CTIF: variants seen among roughly 807,000 people sequenced by gnomAD.
The protein encoded by CTIF is cap binding complex dependent translation initiation factor.
CTIF carries 21 observed loss-of-function variants against 66.0 expected under a neutral mutation model. The ratio of observed to expected loss-of-function variants is 0.32; its 90% CI spans 0.23 to 0.46. The LOEUF is 0.46. Ranked by LOEUF, CTIF falls within the 20% of genes least tolerant of loss-of-function variation. CTIF has a pLI of 1.00. For synonymous variants in CTIF, 345 were observed against 326.4 expected, an observed-to-expected ratio of 1.06 and a Z score of -0.62; for missense variants, 739 against 812.7, an observed-to-expected ratio of 0.91 and a Z score of 1.10.
intron 9 of CTIF, among the ~76,000 whole-genome samples, chr18:48,784,107 A>G (rs1911496313): frequency 6.6e-6 from 1 of 152,236 alleles, no homozygotes; most frequent in African/African-American, 2.4e-5. Flanking sequence ...CTCTCCTGCC[A>G]TTGGGCATCT....
chr18:48,600,832 A>G (rs2090077139), intron 1 of CTIF, among the ~76,000 whole-genome samples: 1 of 152,048 alleles, frequency 6.6e-6, no homozygotes, highest in African/African-American at 2.4e-5. Flanking sequence ...TTTCCCTGCA[A>G]TATTCCCAGC....
chr18:48,715,572 A>G (rs62105204), intron 7 of CTIF, among the ~76,000 whole-genome samples: 3,883 of 152,144 alleles, frequency 0.026, 66 homozygotes, highest in Non-Finnish European at 0.041. Context: ...CAAGCTCACT[A>G]GAGGGCTGGA....
chr18:48,755,978 G>C (rs1325119307), intron 7 of CTIF: 1 of 152,172 alleles, frequency 6.6e-6, no homozygotes, highest in Non-Finnish European at 1.5e-5. Flanking sequence ...TTTTCCTCTT[G>C]GCTCAGATAT....
chr18:48,770,729 T>C (rs904268557), intron 9 of CTIF, among the ~76,000 whole-genome samples: 1 of 152,240 alleles, frequency 6.6e-6, no homozygotes, highest in Non-Finnish European at 1.5e-5. Flanking sequence ...TGCAGTAGCA[T>C]CGATTGCTGC....
intron 2 of CTIF, among the ~76,000 whole-genome samples, chr18:48,631,290 C>T (rs949160218): frequency 1.3e-5 from 2 of 152,036 alleles, no homozygotes; most frequent in East Asian, 1.9e-4. Context: ...ATGGTGAAAC[C>T]CTGTCTCTAC....
intron 10 of CTIF, among the ~76,000 whole-genome samples, chr18:48,819,400 C>T (rs547712447): frequency 6.6e-6 from 1 of 152,252 alleles, no homozygotes; most frequent in Non-Finnish European, 1.5e-5. Context: ...CAGCACTGTT[C>T]TAGGGCAGTG....
Position 48,681,932 on chromosome 18 carries a change from C to T in CTIF, c.507+11188C>T, listed in dbSNP as rs138682748. 6.3e-3 allele frequency among the ~76,000 whole-genome samples: 960 copies of T among 152,184 alleles called. 15 individuals carry two copies. Among genetic ancestry groups the T allele is most frequent in the African/African-American group, 0.022 (917 of 41,526 alleles). On this transcript the variant is annotated intron_variant, in intron 6 of 11. Coordinates refer to ENST00000256413, the MANE Select transcript of CTIF (RefSeq NM_014772.3). Reference sequence around the variant, plus strand: ...TCCCAAGTAGCTAGGATTACAGGCGCGTGCCACCACACCCGGCTAATTTTT... The same window carrying T: ...TCCCAAGTAGCTAGGATTACAGGCGTGTGCCACCACACCCGGCTAATTTTT...
intron 9 of CTIF, among the ~76,000 whole-genome samples, chr18:48,810,069 T>A (rs182890558): frequency 6.6e-6 from 1 of 152,096 alleles, no homozygotes; most frequent in African/African-American, 2.4e-5. Flanking sequence ...GATCTACATA[T>A]GTAATTTTAA....
At chr18:48,818,780 G>A (rs1249882076) in intron 10 of CTIF, among the ~76,000 whole-genome samples, 1 of 152,090 alleles carries the variant, frequency 6.6e-6, no homozygotes, top group Non-Finnish European at 1.5e-5. Flanking sequence ...ACACAAGGAG[G>A]AACAGCCTCC....
intron 10 of CTIF, 69 bp from the exon 11 acceptor site, chr18:48,857,519 C>T: frequency 3.5e-6 from 5 of 1,441,346 alleles, no homozygotes; most frequent in South Asian, 1.3e-5. Context: ...GCGGGGGCTG[C>T]AGGGAGCTAC....
chr18:48,566,926 G>A (rs1204456955), intron 1 of CTIF: 2 of 152,186 alleles, frequency 1.3e-5, no homozygotes, highest in African/African-American at 4.8e-5. Flanking sequence ...ATCTCAGCCT[G>A]TCTAACAGAC....
intron 1 of CTIF, 50 bp from the exon 2 acceptor site, chr18:48,619,488 C>T (rs180818664): frequency 4.6e-5 from 56 of 1,221,222 alleles, no homozygotes; most frequent in East Asian, 4.1e-4. Flanking sequence ...TGGGCATCGT[C>T]GTCTCCTCCA....
chr18:48,718,251 C>A (rs2092300192), intron 7 of CTIF, among the ~76,000 whole-genome samples: 1 of 152,186 alleles, frequency 6.6e-6, no homozygotes, highest in South Asian at 2.1e-4. Context: ...GAAAATTAGA[C>A]TGTGTATACC....
chr18:48,808,987 A>G (rs1372875235), intron 9 of CTIF, among the ~76,000 whole-genome samples: 10 of 152,246 alleles, frequency 6.6e-5, no homozygotes, highest in Admixed American at 6.5e-4. Flanking sequence ...GAGAATTACC[A>G]TCTTCACAAT....
intron 1 of CTIF, among the ~76,000 whole-genome samples, chr18:48,547,629 A>G (rs1376987337): frequency 6.6e-6 from 1 of 152,082 alleles, no homozygotes; most frequent in African/African-American, 2.4e-5. Flanking sequence ...CTCGCTGGCC[A>G]TTTTCACCCA....
intron 6 of CTIF, among the ~76,000 whole-genome samples, chr18:48,702,194 C>G (rs983533339): frequency 6.6e-6 from 1 of 152,160 alleles, no homozygotes. Flanking sequence ...TAGACTGTTA[C>G]AATAAGAAAC....
intron 6 of CTIF, among the ~76,000 whole-genome samples, chr18:48,686,355 C>T (rs1257843086): frequency 6.6e-6 from 1 of 152,188 alleles, no homozygotes; most frequent in African/African-American, 2.4e-5. Flanking sequence ...AAAATGTCCC[C>T]ATTATTCTTT....
At chr18:48,815,721 G>A in intron 9 of CTIF, among the ~76,000 whole-genome samples, 1 of 152,188 alleles carries the variant, frequency 6.6e-6, no homozygotes, top group Middle Eastern at 3.2e-3. Context: ...TGTTAACCAA[G>A]TCATCTCTGA....
intron 10 of CTIF, among the ~76,000 whole-genome samples, chr18:48,821,199 G>C (rs894678201): frequency 3.3e-5 from 5 of 152,188 alleles, no homozygotes; most frequent in African/African-American, 1.2e-4. Context: ...AAGGGACCTG[G>C]AAGTGTCCTC....
Sources: gnomAD v4.1 joint callset for allele counts (sites outside exome capture counted in the v4.1 genomes callset) on GRCh38, gnomAD v4.1.1 for gene constraint, MANE v1.5 for transcripts, NCBI Gene and HGNC (gene_info 2026-07-23, HGNC 2026-07-21) for gene names.